The following MTMR3 variants were observed in gnomAD, a reference collection of about 807,000 sequenced individuals.
MTMR3 encodes phosphatidylinositol-3,5-bisphosphate 3-phosphatase MTMR3.
MTMR3 carries 32 observed loss-of-function variants against 132.4 expected under a neutral mutation model. The ratio of observed to expected loss-of-function variants is 0.24; its 90% confidence interval spans 0.18 to 0.32. The LOEUF (loss-of-function observed/expected upper bound fraction) is 0.32. Ranked by LOEUF, MTMR3 falls within the 10% of genes least tolerant of loss-of-function variation. MTMR3 has a pLI of 1.00. For synonymous variants in MTMR3, 556 were observed against 550.3 expected (o/e 1.01, Z -0.14); for missense variants, 1,216 against 1,489.6 (o/e 0.82, Z 3.02).
At chr22:29,942,958 A>G (rs2065885857) in intron 1 of MTMR3, among the ~76,000 whole-genome samples, 1 of 152,228 alleles carries the variant, frequency 6.6e-6, no homozygotes, top group Non-Finnish European at 1.5e-5. Flanking sequence ...TAAAGTAAAG[A>G]CAGGCATAGG....
In MTMR3 at chr22:30,012,481, A is replaced by G. The variant is rs780291380; in HGVS notation, c.1235A>G (p.His412Arg). 1 of 1,614,016 alleles carries G rather than the reference A, an allele frequency of 6.2e-7. No homozygotes were observed. Among genetic ancestry groups the G allele is most frequent in the African/African-American group, 1.3e-5 (1 of 74,918 alleles). Reference sequence around the variant, plus strand: ...CAGGATCAGCGGCCGGTGCTAGTACACTGCTCAGATGGCTGGGACCGCACC... The same window carrying G: ...CAGGATCAGCGGCCGGTGCTAGTACGCTGCTCAGATGGCTGGGACCGCACC... ...VDQDQRPVLV[H>R]CSDGWDRTPQ... The change falls in exon 13 of 20, where the codon CAC (histidine) becomes CGC (arginine). Residue 412 changes from histidine to arginine, a missense_variant. This residue lies in a region of MTMR3 where 106 missense variants were observed against 209.5 expected (regional missense o/e 0.51). Coordinates refer to ENST00000401950, the MANE Select transcript of MTMR3 (RefSeq NM_021090.4).
rs373447767 is a variant in MTMR3 at position 30,012,327 on chromosome 22, T to TA, written c.1122-34dup. ...TCATTGAGCATGATGCAGTAAATCA[T>TA]AAAAAAATCAGCATTTTCTAATCCT... On this transcript the variant is annotated intron_variant, in intron 12 of 19. Transcript: ENST00000401950. 4.8e-4 allele frequency: 756 copies of TA among 1,586,404 alleles called. 1 individual carries two copies. In the African/African-American group the frequency reaches 9.0e-3, roughly 19 times the overall value.
rs375253429 is a variant in MTMR3, at chr22:29,991,675, G to A, written c.460+5G>A. 46 of 1,585,284 alleles carry A rather than the reference G, an allele frequency of 2.9e-5. 1 individual carries two copies. The African/African-American group carries it at 4.2e-4, about 14-fold the overall frequency. ...ATGGAGACCTGTGCAGACCAGGTAC[G>A]CCTTTCTGAAATGTGCAAATGGCCA... On this transcript the variant is annotated splice_donor_5th_base_variant and intron_variant, in intron 7 of 19. Transcript: ENST00000401950.
intron 1 of MTMR3, among the ~76,000 whole-genome samples, chr22:29,929,020 C>T (rs36585): frequency 6.6e-5 from 10 of 152,136 alleles, no homozygotes; most frequent in Admixed American, 6.5e-4. Flanking sequence ...TGGCTCATGC[C>T]TGTAATCCCA....
chr22:29,933,287 TTTTTCTTTTTA>T (rs1348032831), intron 1 of MTMR3, among the ~76,000 whole-genome samples: 1 of 151,390 alleles, frequency 6.6e-6, no homozygotes, highest in Non-Finnish European at 1.5e-5. Context: ...TTATCTTTTT[TTTTTCTTTTTA>T]TTATCCAGGC....
chr22:29,951,354 G>C (rs867434941), intron 1 of MTMR3, among the ~76,000 whole-genome samples: 3 of 152,004 alleles, frequency 2.0e-5, no homozygotes, highest in South Asian at 2.1e-4. Context: ...CTTGTATAAG[G>C]GTTGAGTTTA....
rs570363125 is a variant in MTMR3, at chr22:29,960,235, A to G, written c.-85+3147A>G. 1.5e-3 allele frequency among the ~76,000 whole-genome samples: 233 copies of G among 152,308 alleles called. 2 individuals are homozygous for G. The highest frequency in any genetic ancestry group is 5.1e-3 in the African/African-American group (212 of 41,580). On this transcript the variant is annotated intron_variant, in intron 2 of 19. Coordinates refer to ENST00000401950, the MANE Select transcript of MTMR3 (RefSeq NM_021090.4). ...ATGATCCCAGACTAGATCCTTTACC[A>G]AAGGGGGGAATATTGCTGTGAAGGA...
chr22:30,022,672 C>A lies in MTMR3; in HGVS notation c.3400C>A (p.Leu1134Ile), dbSNP rs1456941037. 1 of 1,610,478 alleles carries A rather than the reference C, an allele frequency of 6.2e-7. No individual in the cohort carries two copies. The highest frequency in any genetic ancestry group is 1.3e-5 in the African/African-American group (1 of 74,934). ...HCYACDSAFWLASRKHHCRNC... is the reference protein window; with the variant it reads ...HCYACDSAFWIASRKHHCRNC... ...CTATGCGTGCGACAGTGCCTTCTGG[C>A]TTGCCAGCAGGAAGCACCACTGCAG... The change falls in exon 19 of 20, where the codon CTT becomes ATT. Residue 1134 changes from leucine to isoleucine, a missense_variant. Leu to Ile is a conservative substitution (Grantham distance 5, BLOSUM62 2). Coordinates refer to ENST00000401950, the MANE Select transcript of MTMR3 (RefSeq NM_021090.4).
chr22:29,952,331 A>G (rs1602550734), intron 1 of MTMR3, among the ~76,000 whole-genome samples: 2 of 152,110 alleles, frequency 1.3e-5, no homozygotes, highest in East Asian at 3.9e-4. Context: ...ATGAAGTTGC[A>G]TCTGGAACCC....
At chr22:29,902,057 G>T (rs2065010877) in intron 1 of MTMR3, among the ~76,000 whole-genome samples, 1 of 151,796 alleles carries the variant, frequency 6.6e-6, no homozygotes, top group Admixed American at 6.6e-5. Flanking sequence ...TTTTTTTATG[G>T]TTTAAAAAAA....
chr22:29,888,426 A>C (rs138133400), intron 1 of MTMR3, among the ~76,000 whole-genome samples: 3 of 152,168 alleles, frequency 2.0e-5, no homozygotes, highest in Non-Finnish European at 4.4e-5. Flanking sequence ...GGCAATGTGG[A>C]TAGAATGACT....
At chr22:30,021,866 C>T in intron 17 of MTMR3, 163 bp from the exon 18 acceptor site, 1 of 625,390 alleles carries the variant, frequency 1.6e-6, no homozygotes, top group Non-Finnish European at 2.9e-6. Flanking sequence ...GCCCACACTG[C>T]ACTTCTTCAC....
At chr22:29,965,356 T>C (rs1164398363) in intron 2 of MTMR3, among the ~76,000 whole-genome samples, 1 of 152,144 alleles carries the variant, frequency 6.6e-6, no homozygotes, top group African/African-American at 2.4e-5. Flanking sequence ...ATTGAGACTT[T>C]TAATGCCGAG....
rs780849871 is a variant in MTMR3, at chr22:30,018,003, C to A, written c.1751C>A (p.Thr584Asn). Reference protein sequence around the residue: ...AVYLPCPSPTTPVDDSCAPYP... With the variant: ...AVYLPCPSPTNPVDDSCAPYP... ...TACCTGCCCTGCCCATCCCCAACCA[C>A]CCCTGTGGACGACAGCTGTGCACCA... The change falls in exon 16 of 20, where the codon ACC becomes AAC. Residue 584 changes from threonine to asparagine, a missense_variant. By Grantham distance (65) the Thr-to-Asn change is moderately conservative. Transcript: ENST00000401950. The A allele has an allele frequency of 4.3e-6, 7 of 1,613,822 alleles. No homozygotes were observed. The highest frequency in any genetic ancestry group is 5.1e-6 in the Non-Finnish European group (6 of 1,179,976).
intron 19 of MTMR3, chr22:30,023,102 C>T: frequency 2.5e-6 from 1 of 399,276 alleles, no homozygotes; most frequent in Non-Finnish European, 4.6e-6. Flanking sequence ...ACTTGTTTTC[C>T]CTTGTGCCAT....
intron 1 of MTMR3, among the ~76,000 whole-genome samples, chr22:29,956,251 T>G (rs2066187171): frequency 6.6e-6 from 1 of 152,130 alleles, no homozygotes; most frequent in Non-Finnish European, 1.5e-5. Context: ...TCTTTGTTTT[T>G]GTTTTGTTTT....
intron 1 of MTMR3, among the ~76,000 whole-genome samples, chr22:29,933,827 TCCCAAGTAGCTGGGA>T (rs1871685751): frequency 6.7e-6 from 1 of 149,054 alleles, no homozygotes; most frequent in African/African-American, 2.5e-5. Context: ...TGCCCCAGCC[TCCCAAGTAGCTGGGA>T]CCACAGGTGT....
Position 30,028,686 on chromosome 22 carries a change from CTT to C in MTMR3, c.*2887_*2888del, listed in dbSNP as rs2067957694. The C allele has an allele frequency of 1.3e-5, 2 of 152,356 alleles. No individual in the cohort carries two copies. The highest frequency in any genetic ancestry group is 4.1e-4 in the South Asian group (2 of 4,830). The allele number at this position is 152,356 out of a possible 1,614,324, so 9.4% of individuals were successfully genotyped here. ...TCAGAGCTCCCCAGAGGCCTTCACTCTTTGGGGCAGTCTCTCTAGGGTCACTT... is the reference window on the plus strand; with the variant it reads ...TCAGAGCTCCCCAGAGGCCTTCACTCTGGGGCAGTCTCTCTAGGGTCACTT... On this transcript the variant is annotated 3_prime_UTR_variant, in exon 20 of 20. Coordinates refer to ENST00000401950, the MANE Select transcript of MTMR3 (RefSeq NM_021090.4).
rs543290854 is a variant in MTMR3, at chr22:29,883,748, G to GC, written c.-138+394dup. Among the ~76,000 whole-genome samples, 51 of 152,266 alleles carry GC rather than the reference G, an allele frequency of 3.3e-4. 1 individual carries two copies. In the South Asian group the frequency reaches 0.01, roughly 30 times the overall value. On this transcript the variant is annotated intron_variant, in intron 1 of 19. Transcript: ENST00000401950. ...CCCGGGAGGTGGGTGTGCGCCCTTC[G>GC]CCCCCTGCCGGGTCTGTGGCGGTCC...
Sources: allele counts gnomAD v4.1 joint callset (sites outside exome capture counted in the v4.1 genomes callset), GRCh38; gene constraint gnomAD v4.1.1; regional missense constraint gnomAD v4.1.1; transcripts MANE v1.5; gene names NCBI Gene and HGNC (gene_info 2026-07-23, HGNC 2026-07-21).